The following DLX3 variants were observed in gnomAD, a reference collection of about 807,000 sequenced individuals.
DLX3 encodes the protein distal-less homeobox 3.
Under a neutral mutation model 28.0 loss-of-function variants are expected in DLX3, and 9 were observed. The observed-to-expected ratio is 0.32, with a 90% CI of 0.19 to 0.56. The LOEUF is 0.56. Among genes scored for constraint, DLX3 ranks in the 20% least tolerant of loss-of-function variants. The pLI is 0.91. For synonymous variants in DLX3, 154 were observed against 167.9 expected (o/e 0.92, Z 0.64); for missense variants, 313 against 378.2 (o/e 0.83, Z 1.43).
chr17:49,993,403 T>C lies in DLX3; in HGVS notation c.513A>G (p.Thr171=), dbSNP rs1194357982. ...CCCTGGACAGCCAAACACCAACCTGTGTCTGCGTGAGGCCCAGCTGCGCGG... is the reference window on the plus strand; with the variant it reads ...CCCTGGACAGCCAAACACCAACCTGCGTCTGCGTGAGGCCCAGCTGCGCGG... ...ELAAQLGLTQ[T]QVKIWFQNRR... is the part of the protein sequence containing the mutation. Residue 171 remains threonine (T), a synonymous_variant, in exon 2 of 3, where the codon ACA becomes ACG. Coordinates refer to ENST00000434704, the MANE Select transcript of DLX3 (RefSeq NM_005220.3). 2 of 1,601,822 alleles carry C rather than the reference T, an allele frequency of 1.2e-6. No individual in the cohort carries two copies. Among genetic ancestry groups the C allele is most frequent in the Admixed American group, 1.7e-5 (1 of 59,660 alleles).
chr17:49,991,421 T>C lies in DLX3; in HGVS notation c.*96A>G. ...AGGGAGGGGGAAAGGGAGTTCCTTT[T>C]CCCTGTGCTCCTCGATGATTCCTGA... On this transcript the variant is annotated 3_prime_UTR_variant, in exon 3 of 3. Transcript: ENST00000434704. 1.8e-6 allele frequency: 2 copies of C among 1,124,796 alleles called. No individual in the cohort carries two copies. The highest frequency in any genetic ancestry group is 2.5e-6 in the Non-Finnish European group (2 of 804,856). 69.7% of individuals were successfully genotyped at this position (1,124,796 alleles called of 1,614,324 possible). A position where few individuals can be genotyped will look rare whatever the true frequency, so the allele number is the denominator to read the frequency against.
Position 49,994,923 on chromosome 17 carries a change from A to G in DLX3, c.76T>C (p.Ser26Pro). Reference sequence around the variant, plus strand: ...TCGGGCAGGGTAGGCGAGTCCTTGGAGCCCGCATGGCAGCTAAGGGAGCTG... The same window carrying G: ...TCGGGCAGGGTAGGCGAGTCCTTGGGGCCCGCATGGCAGCTAAGGGAGCTG... Reference protein sequence around the residue: ...ISSSLSCHAGSKDSPTLPESS... With the variant: ...ISSSLSCHAGPKDSPTLPESS... Residue 26 changes from serine (S) to proline (P), a missense_variant, in exon 1 of 3, where the codon TCC becomes CCC. By Grantham distance (74) the Ser-to-Pro change is moderately conservative. This residue lies in a region of DLX3 where 183 missense variants were observed against 197.7 expected (regional missense o/e 0.93). Coordinates refer to ENST00000434704, the MANE Select transcript of DLX3 (RefSeq NM_005220.3). 6.2e-7 allele frequency: 1 copy of G among 1,614,094 alleles called. No individual in the cohort carries two copies. The highest frequency in any genetic ancestry group is 2.2e-5 in the East Asian group (1 of 44,882).
intron 1 of DLX3, 132 bp from the exon 2 acceptor site, chr17:49,993,722 T>A: frequency 1.9e-6 from 2 of 1,064,338 alleles, no homozygotes; most frequent in Non-Finnish European, 2.6e-6. Context: ...GGCCGCGCGC[T>A]CCGCTGCCCG....
intron 2 of DLX3, among the ~76,000 whole-genome samples, chr17:49,992,469 C>T (rs950173808): frequency 2.0e-5 from 3 of 152,108 alleles, no homozygotes; most frequent in African/African-American, 7.2e-5. Flanking sequence ...ACATGAGCAC[C>T]CACATTCACA....
At position 49,990,859 on chromosome 17, in the gene DLX3, G is replaced by T. The variant is rs1235172419; in HGVS notation, c.*658C>A. 1 of 152,662 alleles carries T rather than the reference G, an allele frequency of 6.6e-6. No individual in the cohort carries two copies. The highest frequency in any genetic ancestry group is 2.4e-5 in the African/African-American group (1 of 41,416). 9.5% of individuals were successfully genotyped at this position (152,662 alleles called of 1,614,324 possible). A position where few individuals can be genotyped will look rare whatever the true frequency, so the allele number is the denominator to read the frequency against. On this transcript the variant is annotated 3_prime_UTR_variant, in exon 3 of 3. Transcript: ENST00000434704. ...GAACGGAGGAGAGGGGAGAGAGATG[G>T]CTCCTTTAGTTCTTTCCTCTAAAGC...
rs1461758859 is a variant in DLX3 at position 49,990,017 on chromosome 17, T to A, written c.*1500A>T. 1 of 152,634 alleles carries A rather than the reference T, an allele frequency of 6.6e-6. No individual in the cohort carries two copies. The highest frequency in any genetic ancestry group is 2.4e-5 in the African/African-American group (1 of 41,450). The allele number at this position is 152,634 out of a possible 1,614,324, so 9.5% of individuals were successfully genotyped here. On this transcript the variant is annotated 3_prime_UTR_variant, in exon 3 of 3. Transcript: ENST00000434704. ...AAGAGCTCAGTGGTTATTTTCGTCT[T>A]TTTTATTAACATTATATATAAAGAT...
At chr17:49,994,002 A>G (rs950323825) in intron 1 of DLX3, among the ~76,000 whole-genome samples, 1 of 151,764 alleles carries the variant, frequency 6.6e-6, no homozygotes, top group African/African-American at 2.4e-5. Context: ...CCGCCCTTTA[A>G]AAAAGTTTCA....
chr17:49,994,580 A>C (rs1906212074), intron 1 of DLX3, 94 bp downstream of exon 1: 2 of 1,422,848 alleles, frequency 1.4e-6, no homozygotes, highest in African/African-American at 1.4e-5. Flanking sequence ...TTTTCTTAGA[A>C]GTTTTCCTAG....
chr17:49,993,670 G>C (rs561334170), intron 1 of DLX3, 80 bp from the exon 2 acceptor site: 2 of 1,502,482 alleles, frequency 1.3e-6, no homozygotes, highest in African/African-American at 1.4e-5. Context: ...GGCCCCGCCG[G>C]ACGCCCCTCG....
chr17:49,992,409 G>C (rs1258064761), intron 2 of DLX3, among the ~76,000 whole-genome samples: 2 of 152,070 alleles, frequency 1.3e-5, no homozygotes, highest in East Asian at 3.9e-4. Flanking sequence ...ACAGACACCA[G>C]ACAATAAAAA....
At chr17:49,993,688 C>A in intron 1 of DLX3, 98 bp from the exon 2 acceptor site, 1 of 1,387,084 alleles carries the variant, frequency 7.2e-7, no homozygotes, top group Non-Finnish European at 9.7e-7. Context: ...TCGCTTCCGC[C>A]CACCGACTCG....
Position 49,995,016 on chromosome 17 carries a change from C to T in DLX3, c.-18G>A. ...CCACTCATCCTGGCGGGCGCTGCAC[C>T]TCCCCAGGGCTGGCCTCCGCAGAGG... is the stretch of plus-strand genomic sequence containing the variant. On this transcript the variant is annotated 5_prime_UTR_variant, in exon 1 of 3. Coordinates refer to ENST00000434704, the MANE Select transcript of DLX3 (RefSeq NM_005220.3). 4 of 1,607,950 alleles carry T rather than the reference C, an allele frequency of 2.5e-6. No homozygotes were observed. In the Admixed American group the frequency reaches 6.7e-5, roughly 27 times the overall value.
At position 49,991,445 on chromosome 17, in the gene DLX3, G is replaced by T; in HGVS notation, c.*72C>A. ...TTCCCTGTGCTCCTCGATGATTCCT[G>T]AGTGGCTAGGACGGAGGCGCCTTCT... On this transcript the variant is annotated 3_prime_UTR_variant, in exon 3 of 3. Transcript: ENST00000434704. The T allele has an allele frequency of 7.6e-7, 1 of 1,308,772 alleles. No individual in the cohort carries two copies. The highest frequency in any genetic ancestry group is 1.0e-6 in the Non-Finnish European group (1 of 958,944). The allele number at this position is 1,308,772 out of a possible 1,614,324, so 81.1% of individuals were successfully genotyped here. A position where few individuals can be genotyped will look rare whatever the true frequency, so the allele number is the denominator to read the frequency against.
chr17:49,993,376 G>T (rs957413904), intron 2 of DLX3, 24 bp downstream of exon 2: 57 of 1,579,960 alleles, frequency 3.6e-5, no homozygotes, highest in Non-Finnish European at 4.5e-5. Flanking sequence ...GCGCCCCCGC[G>T]GCCCTGGACA....
In DLX3 at chr17:49,991,390, G is replaced by C; in HGVS notation, c.*127C>G. On this transcript the variant is annotated 3_prime_UTR_variant, in exon 3 of 3. Coordinates refer to ENST00000434704, the MANE Select transcript of DLX3 (RefSeq NM_005220.3). ...GGAAGCGCTTGGGTCCCTGGAGGAA[G>C]GGGCAAGGGAGGGGGAAAGGGAGTT... 1.2e-6 allele frequency: 1 copy of C among 861,648 alleles called. No homozygotes were observed. The highest frequency in any genetic ancestry group is 1.8e-5 in the South Asian group (1 of 55,702). The allele number at this position is 861,648 out of a possible 1,614,324, so 53.4% of individuals were successfully genotyped here.
At position 49,990,660 on chromosome 17, in the gene DLX3, G is replaced by A. The variant is rs1031717300; in HGVS notation, c.*857C>T. ...ACTGGAGGAGTAGAGAAGGTGAGGT[G>A]GGGGCAGGGACAGAACAGAGGCACC... On this transcript the variant is annotated 3_prime_UTR_variant, in exon 3 of 3. Coordinates refer to ENST00000434704, the MANE Select transcript of DLX3 (RefSeq NM_005220.3). 5.9e-5 allele frequency: 9 copies of A among 152,660 alleles called. No homozygotes were observed. Among genetic ancestry groups the A allele is most frequent in the Admixed American group, 5.2e-4 (8 of 15,268 alleles). 9.5% of individuals were successfully genotyped at this position (152,660 alleles called of 1,614,324 possible).
intron 1 of DLX3, 76 bp from the exon 2 acceptor site, chr17:49,993,666 G>C: frequency 6.6e-7 from 1 of 1,515,652 alleles, no homozygotes; most frequent in Non-Finnish European, 8.9e-7. Flanking sequence ...CCAGGGCCCC[G>C]CCGGACGCCC....
chr17:49,995,193 T>A lies in DLX3; in HGVS notation c.-195A>T. The A allele has an allele frequency of 1.5e-6, 1 of 682,598 alleles. No individual in the cohort carries two copies. The allele number at this position is 682,598 out of a possible 1,614,324, so 42.3% of individuals were successfully genotyped here. A position where few individuals can be genotyped will look rare whatever the true frequency, so the allele number is the denominator to read the frequency against. Reference sequence around the variant, plus strand: ...TGCCGTCAGGCGGTCGCTGCGCGCCTCTCCTCGCGTCCCAAGCCACAATCA... The same window carrying A: ...TGCCGTCAGGCGGTCGCTGCGCGCCACTCCTCGCGTCCCAAGCCACAATCA... On this transcript the variant is annotated 5_prime_UTR_variant, in exon 1 of 3. Transcript: ENST00000434704.
chr17:49,993,692 C>T, intron 1 of DLX3, 102 bp from the exon 2 acceptor site: 1 of 1,351,522 alleles, frequency 7.4e-7, no homozygotes, highest in Non-Finnish European at 9.9e-7. Flanking sequence ...TTCCGCCCAC[C>T]GACTCGCCGC....
Sources: allele counts gnomAD v4.1 joint callset (sites outside exome capture counted in the v4.1 genomes callset), GRCh38; gene constraint gnomAD v4.1.1; regional missense constraint gnomAD v4.1.1; transcripts MANE v1.5; gene names NCBI Gene and HGNC (gene_info 2026-07-23, HGNC 2026-07-21).